The following GRIA4 variants were observed in gnomAD, a reference collection of about 807,000 sequenced individuals.
The protein encoded by GRIA4 is glutamate ionotropic receptor AMPA type subunit 4.
In GRIA4, 34 loss-of-function variants were observed where a neutral mutation model predicts 104.0. The ratio of observed to expected loss-of-function variants is 0.33; its 90% CI spans 0.25 to 0.44. The LOEUF (loss-of-function observed/expected upper bound fraction) is 0.44. Ranked by LOEUF, GRIA4 falls within the 20% of genes least tolerant of loss-of-function variation. The pLI, the probability that GRIA4 is intolerant of heterozygous loss-of-function variation, is 1.00. For missense variants in GRIA4, 750 were observed against 1,096.5 expected, an observed-to-expected ratio of 0.68 and a Z score of 4.46; for synonymous variants, 386 against 381.9, an observed-to-expected ratio of 1.01 and a Z score of -0.13.
chr11:105,825,447 G>A (rs1054441453), intron 4 of GRIA4, among the ~76,000 whole-genome samples: 1 of 152,012 alleles, frequency 6.6e-6, no homozygotes, highest in African/African-American at 2.4e-5. Flanking sequence ...CTACGTTCTT[G>A]AATAAACATT....
intron 4 of GRIA4, among the ~76,000 whole-genome samples, chr11:105,816,606 A>C (rs1373742249): frequency 6.6e-6 from 1 of 152,188 alleles, no homozygotes; most frequent in Non-Finnish European, 1.5e-5. Context: ...TAAATTACCC[A>C]GTCTCAGATA....
intron 9 of GRIA4, among the ~76,000 whole-genome samples, chr11:105,907,897 C>T (rs903757545): frequency 6.6e-6 from 1 of 152,050 alleles, no homozygotes; most frequent in African/African-American, 2.4e-5. Flanking sequence ...CAGTAGAAAC[C>T]AAAATTCCTG....
At chr11:105,978,523 C>T (rs1299924056) in intron 16 of GRIA4, among the ~76,000 whole-genome samples, 1 of 151,992 alleles carries the variant, frequency 6.6e-6, no homozygotes, top group Non-Finnish European at 1.5e-5. Context: ...TTTTACTCCA[C>T]CAGTTTTTAA....
At chr11:105,706,050 C>T (rs547733173) in intron 3 of GRIA4, among the ~76,000 whole-genome samples, 1 of 152,210 alleles carries the variant, frequency 6.6e-6, no homozygotes, top group South Asian at 2.1e-4. Context: ...CAGTGCAGTA[C>T]TAAGAAACTA....
intron 3 of GRIA4, among the ~76,000 whole-genome samples, chr11:105,684,546 C>CATATATATATATATATATATACATAT: frequency 1.4e-5 from 2 of 144,988 alleles, no homozygotes; most frequent in Middle Eastern, 7.2e-3. Flanking sequence ...TATATATATA[C>CATATATATATATATATATATACATAT]ATATATATAT....
intron 3 of GRIA4, among the ~76,000 whole-genome samples, chr11:105,737,982 C>G (rs1939059585): frequency 6.6e-6 from 1 of 152,106 alleles, no homozygotes; most frequent in African/African-American, 2.4e-5. Context: ...CAGAGTCTCA[C>G]ACACCATGGG....
At chr11:105,783,822 A>C (rs572861686) in intron 4 of GRIA4, among the ~76,000 whole-genome samples, 27 of 151,246 alleles carry the variant, frequency 1.8e-4, no homozygotes, top group Non-Finnish European at 3.5e-4. Flanking sequence ...AGTTTGTCAT[A>C]ATTGAGGCTG....
chr11:105,647,247 C>T (rs1020705454), intron 3 of GRIA4, among the ~76,000 whole-genome samples: 1 of 152,076 alleles, frequency 6.6e-6, no homozygotes, highest in Non-Finnish European at 1.5e-5. Flanking sequence ...CAATGAGATG[C>T]CATCTCATAC....
At chr11:105,750,930 G>T (rs549318191) in intron 3 of GRIA4, among the ~76,000 whole-genome samples, 92 of 152,112 alleles carry the variant, frequency 6.0e-4, no homozygotes, top group African/African-American at 2.1e-3. Context: ...GAATTTATGG[G>T]GTTCCTAGAA....
chr11:105,855,265 G>A (rs144612934), intron 4 of GRIA4, among the ~76,000 whole-genome samples: 13 of 152,094 alleles, frequency 8.5e-5, no homozygotes, highest in African/African-American at 1.7e-4. Flanking sequence ...CCAAGGTATC[G>A]CAATATTGAA....
At chr11:105,837,863 T>C (rs1012727940) in intron 4 of GRIA4, among the ~76,000 whole-genome samples, 1 of 152,156 alleles carries the variant, frequency 6.6e-6, no homozygotes, top group Non-Finnish European at 1.5e-5. Context: ...CTTGTAGTGC[T>C]AGGTGAGGAA....
intron 4 of GRIA4, among the ~76,000 whole-genome samples, chr11:105,809,762 A>G (rs1299145135): frequency 6.6e-6 from 1 of 152,076 alleles, no homozygotes; most frequent in Admixed American, 6.6e-5. Context: ...TCTTTCCTTT[A>G]TAAATTACCC....
chr11:105,976,025 G>A (rs1858963793), intron 16 of GRIA4, among the ~76,000 whole-genome samples: 1 of 152,028 alleles, frequency 6.6e-6, no homozygotes, highest in Non-Finnish European at 1.5e-5. Context: ...ATAATATCAA[G>A]GTGTCTTAGC....
intron 3 of GRIA4, chr11:105,706,872 T>C (rs943554506): frequency 3.3e-5 from 5 of 152,278 alleles, no homozygotes; most frequent in Non-Finnish European, 1.5e-5. Context: ...AAAGATGAAT[T>C]GGGAATTACT....
At chr11:105,766,974 A>C (rs888928723) in intron 4 of GRIA4, among the ~76,000 whole-genome samples, 1 of 152,094 alleles carries the variant, frequency 6.6e-6, no homozygotes, top group Non-Finnish European at 1.5e-5. Flanking sequence ...TACCTACAGC[A>C]CATTTTATCT....
Position 105,979,918 on chromosome 11 carries a change from G to A in GRIA4, c.*179G>A, listed in dbSNP as rs1859190364. 2.0e-6 allele frequency: 1 copy of A among 494,310 alleles called. No homozygotes were observed. The highest frequency in any genetic ancestry group is 3.0e-5 in the East Asian group (1 of 33,418). 30.6% of individuals were successfully genotyped at this position (494,310 alleles called of 1,614,324 possible). On this transcript the variant is annotated 3_prime_UTR_variant, in exon 17 of 17. Coordinates refer to ENST00000282499, the MANE Select transcript of GRIA4 (RefSeq NM_000829.4). ...AGCAACGTGTGCATGAGCTCAGCTC[G>A]GAAACCCAAACTCAGATTTTATATC...
At chr11:105,651,382 T>C (rs1253042797) in intron 3 of GRIA4, among the ~76,000 whole-genome samples, 1 of 152,114 alleles carries the variant, frequency 6.6e-6, no homozygotes, top group Non-Finnish European at 1.5e-5. Flanking sequence ...ATCTAGGATA[T>C]TTATGAAAAT....
At chr11:105,684,718 CCTATT>C (rs1398233771) in intron 3 of GRIA4, among the ~76,000 whole-genome samples, 7 of 150,662 alleles carry the variant, frequency 4.6e-5, no homozygotes, top group Admixed American at 1.3e-4. Context: ...TTAAATAAAA[CCTATT>C]CTAAAGATAG....
intron 3 of GRIA4, among the ~76,000 whole-genome samples, chr11:105,711,206 A>G (rs1452133952): frequency 6.6e-6 from 1 of 152,082 alleles, no homozygotes; most frequent in Non-Finnish European, 1.5e-5. Context: ...AATATTTTTT[A>G]AAAATTATTC....
Sources: allele counts gnomAD v4.1 joint callset (sites outside exome capture counted in the v4.1 genomes callset), GRCh38; gene constraint gnomAD v4.1.1; transcripts MANE v1.5; gene names NCBI Gene and HGNC (gene_info 2026-07-23, HGNC 2026-07-21).